Variants in UGT2A1 observed in about 807,000 individuals in gnomAD.
UGT2A1 encodes the protein UDP-glucuronosyltransferase 2A1.
UGT2A1 carries 61 observed loss-of-function variants against 45.4 expected under a neutral mutation model. The ratio of observed to expected loss-of-function variants is 1.34; its 90% confidence interval spans 1.09 to 1.66. UGT2A1 has a LOEUF of 1.66. Ranked by LOEUF, UGT2A1 falls within the 40% of genes most tolerant of loss-of-function variation. UGT2A1 has a pLI of 0.00. For synonymous variants in UGT2A1, 229 were observed against 196.2 expected, an observed-to-expected ratio of 1.17 and a Z score of -1.40; for missense variants, 649 against 574.3, an observed-to-expected ratio of 1.13 and a Z score of -1.33.
At chr4:69,590,500 C>A (rs369366721) in intron 6 of UGT2A1, among the ~76,000 whole-genome samples, 1 of 151,870 alleles carries the variant, frequency 6.6e-6, no homozygotes, top group Non-Finnish European at 1.5e-5. Flanking sequence ...TGAAGATGAG[C>A]GAAGGTAAAT....
intron 3 of UGT2A1, among the ~76,000 whole-genome samples, chr4:69,612,762 A>G (rs914350527): frequency 6.6e-6 from 1 of 152,050 alleles, no homozygotes; most frequent in African/African-American, 2.4e-5. Context: ...GGAAGACCTC[A>G]AAGTATAAAA....
chr4:69,625,083 A>G (rs1720966378), intron 3 of UGT2A1, among the ~76,000 whole-genome samples: 3 of 151,292 alleles, frequency 2.0e-5, no homozygotes, highest in Middle Eastern at 6.8e-3. Flanking sequence ...AATTATGATA[A>G]TTTTAATTTA....
intron 6 of UGT2A1, among the ~76,000 whole-genome samples, chr4:69,592,119 C>G (rs964771077): frequency 6.6e-6 from 1 of 152,000 alleles, no homozygotes; most frequent in African/African-American, 2.4e-5. Context: ...AAATGCCTGG[C>G]AAAGGTCACT....
chr4:69,594,334 T>C, intron 6 of UGT2A1, 143 bp downstream of exon 6: 4 of 1,146,136 alleles, frequency 3.5e-6, no homozygotes, highest in Non-Finnish European at 4.8e-6. Context: ...TTTAGCAGTT[T>C]GGCAAATAAA....
chr4:69,644,962 C>T (rs1477121776), intron 2 of UGT2A1, among the ~76,000 whole-genome samples: 1 of 151,834 alleles, frequency 6.6e-6, no homozygotes, highest in African/African-American at 2.4e-5. Flanking sequence ...GTAGGTATCA[C>T]TACACAGAAA....
chr4:69,600,762 T>A (rs1261322152), intron 3 of UGT2A1, among the ~76,000 whole-genome samples: 1 of 151,294 alleles, frequency 6.6e-6, no homozygotes, highest in African/African-American at 2.4e-5. Flanking sequence ...TTTTGCATGA[T>A]GGGAGCAGGA....
At chr4:69,639,332 C>T (rs376044252) in intron 2 of UGT2A1, 1 of 1,613,650 alleles carries the variant, frequency 6.2e-7, no homozygotes. Context: ...TATGGTCAAT[C>T]CACAGCATTA....
At chr4:69,631,442 A>G (rs1186912326) in intron 3 of UGT2A1, among the ~76,000 whole-genome samples, 1 of 152,176 alleles carries the variant, frequency 6.6e-6, no homozygotes, top group Non-Finnish European at 1.5e-5. Flanking sequence ...ATAAATTTTA[A>G]AACTAAACTG....
intron 3 of UGT2A1, among the ~76,000 whole-genome samples, chr4:69,619,921 C>T (rs1051487860): frequency 1.7e-4 from 26 of 151,916 alleles, no homozygotes; most frequent in Admixed American, 1.6e-3. Flanking sequence ...TCAATAGGCA[C>T]ACAAAAGGCT....
At chr4:69,631,112 T>C (rs1049848517) in intron 3 of UGT2A1, among the ~76,000 whole-genome samples, 2 of 152,108 alleles carry the variant, frequency 1.3e-5, no homozygotes, top group Non-Finnish European at 2.9e-5. Context: ...GATAGCTATC[T>C]CAATATCAAA....
chr4:69,608,181 C>A (rs781219176), intron 3 of UGT2A1, among the ~76,000 whole-genome samples: 4 of 152,054 alleles, frequency 2.6e-5, no homozygotes, highest in African/African-American at 9.7e-5. Flanking sequence ...AAATGTCCAA[C>A]AATGATAGAC....
rs557370140 is a variant in UGT2A1, at chr4:69,595,095, G to T, written c.1084+67C>A. ...TATTAAAAATGTATTGAATTTATTT[G>T]CTATTAAACAGTTACTTAACTTGTC... On this transcript the variant is annotated intron_variant, in intron 5 of 6. Transcript: ENST00000286604. The T allele has an allele frequency of 6.5e-6, 10 of 1,548,636 alleles. No homozygotes were observed. In the East Asian group the frequency reaches 1.8e-4, roughly 28 times the overall value.
intron 6 of UGT2A1, among the ~76,000 whole-genome samples, chr4:69,590,903 A>G (rs1343410652): frequency 6.6e-6 from 1 of 152,208 alleles, no homozygotes; most frequent in East Asian, 1.9e-4. Context: ...TTAAATTACA[A>G]TGGTCTATTC....
intron 4 of UGT2A1, chr4:69,596,427 G>A (rs1718937579): frequency 6.3e-6 from 9 of 1,426,578 alleles, no homozygotes; most frequent in Non-Finnish European, 8.3e-6. Flanking sequence ...AGCATCATAA[G>A]AAAAAATAAG....
intron 3 of UGT2A1, among the ~76,000 whole-genome samples, chr4:69,615,465 A>G (rs889285993): frequency 4.6e-5 from 7 of 152,070 alleles, no homozygotes; most frequent in Non-Finnish European, 7.4e-5. Context: ...AATATTTTCC[A>G]TGTACCCATC....
At chr4:69,631,272 A>AT (rs1218713348) in intron 3 of UGT2A1, among the ~76,000 whole-genome samples, 1 of 151,648 alleles carries the variant, frequency 6.6e-6, no homozygotes, top group East Asian at 1.9e-4. Context: ...ATCTTCCCAT[A>AT]TTTTTTCAAA....
Position 69,589,170 on chromosome 4 carries a change from A to G in UGT2A1, c.*202T>C. 1.7e-6 allele frequency: 1 copy of G among 587,618 alleles called. No individual in the cohort carries two copies. The highest frequency in any genetic ancestry group is 4.6e-5 in the South Asian group (1 of 21,746). The allele number at this position is 587,618 out of a possible 1,614,324, so 36.4% of individuals were successfully genotyped here. A position where few individuals can be genotyped will look rare whatever the true frequency, so the allele number is the denominator to read the frequency against. ...CAGGGAGAGACAAAGGAAAAATAGA[A>G]GACTATAACTCACAAGTTAATAATA... is the stretch of plus-strand genomic sequence containing the variant. On this transcript the variant is annotated 3_prime_UTR_variant, in exon 7 of 7. Transcript: ENST00000286604.
At chr4:69,629,015 T>A (rs188122180) in intron 3 of UGT2A1, among the ~76,000 whole-genome samples, 270 of 151,512 alleles carry the variant, frequency 1.8e-3, no homozygotes, top group African/African-American at 6.3e-3. Context: ...AGGTGATACA[T>A]GGTTATACTC....
chr4:69,612,542 C>T (rs577455211), intron 3 of UGT2A1, among the ~76,000 whole-genome samples: 6 of 150,932 alleles, frequency 4.0e-5, no homozygotes, highest in East Asian at 2.0e-4. Context: ...GACAGATAGA[C>T]GAATGGAGCA....
Sources: allele counts gnomAD v4.1 joint callset (sites outside exome capture counted in the v4.1 genomes callset), GRCh38; gene constraint gnomAD v4.1.1; transcripts MANE v1.5; gene names NCBI Gene and HGNC (gene_info 2026-07-23, HGNC 2026-07-21).